Variants in MSH3 observed in about 807,000 individuals in gnomAD.
The protein encoded by MSH3 is DNA mismatch repair protein Msh3.
MSH3 carries 106 observed loss-of-function variants against 123.3 expected under a neutral mutation model. That is an observed-to-expected ratio of 0.86 (90% confidence interval 0.73 to 1.01). The LOEUF (loss-of-function observed/expected upper bound fraction) is 1.01, where lower values mean the gene tolerates loss of function less well. MSH3 is among the 50% of genes least tolerant of loss of function. The pLI is 0.00. For missense variants in MSH3, 1,459 were observed against 1,347.6 expected, an observed-to-expected ratio of 1.08 and a Z score of -1.29; for synonymous variants, 515 against 481.4, an observed-to-expected ratio of 1.07 and a Z score of -0.91.
chr5:80,728,313 T>G (rs1743339767), intron 9 of MSH3, among the ~76,000 whole-genome samples: 1 of 152,214 alleles, frequency 6.6e-6, no homozygotes, highest in Admixed American at 6.5e-5. Context: ...ATGAAATTGA[T>G]CAGACAACTT....
At chr5:80,780,961 AC>A (rs1744400185) in intron 17 of MSH3, among the ~76,000 whole-genome samples, 1 of 152,172 alleles carries the variant, frequency 6.6e-6, no homozygotes, top group Non-Finnish European at 1.5e-5. Flanking sequence ...AATGAAAAAA[AC>A]TAAAAACAAA....
Position 80,837,617 on chromosome 5 carries a change from C to T in MSH3, c.2814-16513C>T, listed in dbSNP as rs184940381. ...AAATGCTGGGGACTGGATATTGCAT[C>T]TTAAAGGGGCAAGGAAAATGAAAGA... On this transcript the variant is annotated intron_variant, in intron 20 of 23. Transcript: ENST00000265081. Among the ~76,000 whole-genome samples, 417 of 152,196 alleles carry T rather than the reference C, an allele frequency of 2.7e-3. 1 individual carries two copies. The highest frequency in any genetic ancestry group is 9.3e-3 in the African/African-American group (386 of 41,522).
At chr5:80,728,701 T>C (rs2112857665) in intron 9 of MSH3, 150 bp from the exon 10 acceptor site, 3 of 564,400 alleles carry the variant, frequency 5.3e-6, no homozygotes, top group East Asian at 2.9e-5. Flanking sequence ...TTAGGAGATA[T>C]TGTCCAAATT....
intron 13 of MSH3, among the ~76,000 whole-genome samples, chr5:80,762,049 GT>G (rs1744044926): frequency 6.6e-6 from 1 of 151,688 alleles, no homozygotes; most frequent in Non-Finnish European, 1.5e-5. Context: ...ACAACTTATT[GT>G]TTCTTAAACT....
intron 8 of MSH3, among the ~76,000 whole-genome samples, chr5:80,716,354 A>G (rs1447250186): frequency 6.6e-6 from 1 of 152,080 alleles, no homozygotes; most frequent in East Asian, 1.9e-4. Flanking sequence ...TTAAAAGAAA[A>G]CTTGTTGAAG....
At chr5:80,764,652 T>C (rs746890405) in intron 13 of MSH3, among the ~76,000 whole-genome samples, 13 of 152,100 alleles carry the variant, frequency 8.5e-5, no homozygotes, top group Non-Finnish European at 1.2e-4. Context: ...TGTGAGCCAC[T>C]GTGCTTAGCC....
chr5:80,657,093 C>T (rs755443215), intron 2 of MSH3, among the ~76,000 whole-genome samples: 62 of 152,168 alleles, frequency 4.1e-4, no homozygotes, highest in African/African-American at 8.0e-4. Context: ...CTACTCTCCC[C>T]GCTTTTTTTT....
chr5:80,856,538 CT>C (rs1208033298), intron 21 of MSH3, among the ~76,000 whole-genome samples: 4 of 111,084 alleles, frequency 3.6e-5, no homozygotes, highest in African/African-American at 1.5e-4. Context: ...ACATCACAAA[CT>C]GGGGCCTGTT....
chr5:80,658,947 C>A (rs1293140830), intron 2 of MSH3, among the ~76,000 whole-genome samples: 2 of 151,928 alleles, frequency 1.3e-5, no homozygotes, highest in African/African-American at 4.8e-5. Context: ...AGATATAGTT[C>A]TTGGGGCCAG....
At chr5:80,816,509 T>C (rs940750773) in intron 20 of MSH3, among the ~76,000 whole-genome samples, 1 of 152,210 alleles carries the variant, frequency 6.6e-6, no homozygotes, top group Admixed American at 6.5e-5. Flanking sequence ...TTTAGGAGTT[T>C]ATCCTAAGAG....
chr5:80,796,654 T>G (rs1744703488), intron 19 of MSH3, among the ~76,000 whole-genome samples: 1 of 152,236 alleles, frequency 6.6e-6, no homozygotes, highest in African/African-American at 2.4e-5. Context: ...GCTTTGTACA[T>G]GTAACTATAA....
chr5:80,680,948 A>G (rs1749959195), intron 8 of MSH3, among the ~76,000 whole-genome samples: 1 of 152,188 alleles, frequency 6.6e-6, no homozygotes, highest in South Asian at 2.1e-4. Context: ...AGAAATACTC[A>G]TGTGCGTTTC....
chr5:80,854,418 G>A, intron 21 of MSH3, 102 bp downstream of exon 21: 3 of 1,029,350 alleles, frequency 2.9e-6, no homozygotes, highest in Non-Finnish European at 4.4e-6. Context: ...ACAATGTGAT[G>A]TTTTGAAACA....
chr5:80,817,658 GA>G (rs926656982), intron 20 of MSH3, among the ~76,000 whole-genome samples: 9 of 152,012 alleles, frequency 5.9e-5, no homozygotes, highest in African/African-American at 2.2e-4. Context: ...CATGGAGGTT[GA>G]AAACTGAAAA....
At position 80,670,184 on chromosome 5, in the gene MSH3, A is replaced by T. The variant is rs2112812231; in HGVS notation, c.667A>T (p.Lys223Ter). The part of the protein sequence containing the change: ...LQKTASKSAN[K>*]RSKSIYTPLE... ...GAAAACTGCTTCCAAATCAGCTAACAAACGGTCCAAAAGCATCTATACGCC... is the reference window on the plus strand; with the variant it reads ...GAAAACTGCTTCCAAATCAGCTAACTAACGGTCCAAAAGCATCTATACGCC... Residue 223 changes from lysine to a stop codon, truncating the protein, a stop_gained, in exon 4 of 24, where the codon AAA becomes TAA. Transcript: ENST00000265081. LOFTEE classifies it high-confidence loss of function. The T allele has an allele frequency of 6.2e-7, 1 of 1,614,196 alleles. No individual in the cohort carries two copies. Among genetic ancestry groups the T allele is most frequent in the Non-Finnish European group, 8.5e-7 (1 of 1,180,014 alleles).
At position 80,761,589 on chromosome 5, in the gene MSH3, T is replaced by G. The variant is rs751907249; in HGVS notation, c.1807T>G (p.Ser603Ala). Reference protein sequence around the residue: ...RLDAVSEVLHSESSVFGQIEN... With the variant: ...RLDAVSEVLHAESSVFGQIEN... ...TGATGCTGTATCGGAAGTTCTCCATTCAGAATCTAGTGTGTTTGGTCAGAT... is the reference window on the plus strand; with the variant it reads ...TGATGCTGTATCGGAAGTTCTCCATGCAGAATCTAGTGTGTTTGGTCAGAT... The change falls in exon 13 of 24, where the codon TCA (serine) becomes GCA (alanine). Residue 603 changes from serine to alanine, a missense_variant. Transcript: ENST00000265081. 43 of 1,614,012 alleles carry G rather than the reference T, an allele frequency of 2.7e-5. No homozygotes were observed. Among genetic ancestry groups the G allele is most frequent in the African/African-American group, 4.0e-5 (3 of 74,916 alleles).
intron 18 of MSH3, among the ~76,000 whole-genome samples, chr5:80,789,367 AC>A (rs1207921341): frequency 4.9e-5 from 7 of 143,766 alleles, no homozygotes; most frequent in African/African-American, 1.8e-4. Flanking sequence ...CACTGTAGTC[AC>A]TTTTTTTTTT....
intron 20 of MSH3, among the ~76,000 whole-genome samples, chr5:80,836,550 A>C (rs1464050421): frequency 2.0e-4 from 5 of 24,694 alleles, no homozygotes; most frequent in African/African-American, 5.2e-4. Context: ...CCACAAAAAA[A>C]AAAAAAAAAA....
chr5:80,801,685 A>T (rs1345784280), intron 19 of MSH3, among the ~76,000 whole-genome samples: 1 of 152,172 alleles, frequency 6.6e-6, no homozygotes, highest in Non-Finnish European at 1.5e-5. Context: ...CTCATCTTCC[A>T]AGCAAATCTG....
Sources: allele counts gnomAD v4.1 joint callset (sites outside exome capture counted in the v4.1 genomes callset), GRCh38; gene constraint gnomAD v4.1.1; transcripts MANE v1.5; gene names NCBI Gene and HGNC (gene_info 2026-07-23, HGNC 2026-07-21).